The following KRT8 variants were observed in gnomAD, a reference collection of about 807,000 sequenced individuals.
KRT8 encodes keratin 8.
In KRT8, 24 loss-of-function variants were observed where a neutral mutation model predicts 43.0. That is an observed-to-expected ratio of 0.56 (90% CI 0.40 to 0.78). The LOEUF (loss-of-function observed/expected upper bound fraction) is 0.78. Ranked by LOEUF, KRT8 falls within the 30% of genes least tolerant of loss-of-function variation. The pLI is 0.00. For missense variants in KRT8, 492 were observed against 638.4 expected, an observed-to-expected ratio of 0.77 and a Z score of 2.47; for synonymous variants, 214 against 261.2, an observed-to-expected ratio of 0.82 and a Z score of 1.74.
intron 4 of KRT8, among the ~76,000 whole-genome samples, chr12:52,900,370 G>C (rs918629585): frequency 6.6e-6 from 1 of 152,154 alleles, no homozygotes; most frequent in Non-Finnish European, 1.5e-5. Context: ...CCACTTTCTC[G>C]TCTGTGAAAT....
chr12:52,922,825 A>G (rs977873042), intron 2 of KRT8, among the ~76,000 whole-genome samples: 6 of 152,208 alleles, frequency 3.9e-5, no homozygotes, highest in African/African-American at 1.4e-4. Flanking sequence ...TCTGGCTCCA[A>G]AACCCAAAGT....
At chr12:52,901,277 C>T (rs1941363260) in intron 2 of KRT8, 58 bp from the exon 3 acceptor site, 1 of 1,233,164 alleles carries the variant, frequency 8.1e-7, no homozygotes, top group African/African-American at 1.5e-5. Context: ...TGCCCTTGGT[C>T]TTTTGGGAGA....
intron 2 of KRT8, among the ~76,000 whole-genome samples, chr12:52,917,678 C>T (rs1308366997): frequency 6.9e-6 from 1 of 143,910 alleles, no homozygotes; most frequent in Non-Finnish European, 1.5e-5. Context: ...CATTGCACTC[C>T]AGCCTGGGTG....
intron 2 of KRT8, chr12:52,926,317 C>T: frequency 9.4e-7 from 1 of 1,063,886 alleles, no homozygotes; most frequent in Non-Finnish European, 1.4e-6. Flanking sequence ...TAGCCTTCCC[C>T]ACCTGGCACT....
chr12:52,917,363 T>C (rs556963523), intron 2 of KRT8, among the ~76,000 whole-genome samples: 1 of 146,386 alleles, frequency 6.8e-6, no homozygotes, highest in Admixed American at 6.9e-5. Context: ...GATCACACCA[T>C]CGCACTCCAA....
intron 2 of KRT8, chr12:52,901,555 T>G: frequency 1.8e-6 from 1 of 559,284 alleles, no homozygotes; most frequent in Non-Finnish European, 3.2e-6. Context: ...GCCAGAATGT[T>G]AAGTACAAAA....
chr12:52,897,522 C>T (rs11554491), exon 8 of KRT8: 7 of 1,598,666 alleles, frequency 4.4e-6, no homozygotes, highest in South Asian at 3.3e-5. Context: ...GCTGGTGCGG[C>T]TGAAGGAGCT....
intron 2 of KRT8, among the ~76,000 whole-genome samples, chr12:52,942,305 C>T (rs1216592716): frequency 6.6e-6 from 1 of 152,178 alleles, no homozygotes; most frequent in African/African-American, 2.4e-5. Flanking sequence ...GGGCACCCAA[C>T]TTAGGCACCC....
At chr12:52,907,981 G>A (rs1378154487), upstream of KRT8, among the ~76,000 whole-genome samples, 4 of 152,190 alleles carry the variant, frequency 2.6e-5, no homozygotes, top group African/African-American at 7.2e-5. Context: ...ACGTGTTTGC[G>A]GTGCCTGCCC....
Position 52,904,643 on chromosome 12 carries a change from A to AG in KRT8, c.324+14dup. Reference sequence around the variant, plus strand: ...GGGCTGCGGGCACAGTCAGCCACGCAGGGGGGACCCTCACCTTGTCTATGA... The same window carrying AG: ...GGGCTGCGGGCACAGTCAGCCACGCAGGGGGGGACCCTCACCTTGTCTATGA... On this transcript the variant is annotated intron_variant, in intron 1 of 7. Transcript: ENST00000692008. The AG allele has an allele frequency of 1.2e-6, 2 of 1,611,150 alleles. No homozygotes were observed.
chr12:52,934,174 A>C (rs1942128940), intron 2 of KRT8, among the ~76,000 whole-genome samples: 1 of 151,854 alleles, frequency 6.6e-6, no homozygotes, highest in Non-Finnish European at 1.5e-5. Context: ...GGTTGCAGTG[A>C]GTCGAGATTG....
chr12:52,898,682 C>A, exon 6 of KRT8: 1 of 1,614,228 alleles, frequency 6.2e-7, no homozygotes, highest in Non-Finnish European at 8.5e-7. Flanking sequence ...CACCCACCGG[C>A]TCTCCTCGCC....
upstream of KRT8, among the ~76,000 whole-genome samples, chr12:52,905,772 T>A (rs1405924094): frequency 1.3e-5 from 2 of 151,854 alleles, no homozygotes; most frequent in African/African-American, 4.8e-5. Context: ...GTGGCTGTCG[T>A]CCCTCTACAT....
At chr12:52,931,657 C>CATATATATATATATATATAT (rs34460731) in intron 2 of KRT8, among the ~76,000 whole-genome samples, 10 of 147,228 alleles carry the variant, frequency 6.8e-5, no homozygotes, top group African/African-American at 2.3e-4. Flanking sequence ...ATTGGCTCCC[C>CATATATATATATATATATAT]ATATATATAT....
intron 2 of KRT8, among the ~76,000 whole-genome samples, chr12:52,940,474 A>G (rs1942249326): frequency 6.6e-6 from 1 of 151,694 alleles, no homozygotes; most frequent in South Asian, 2.1e-4. Context: ...CTACACAAAA[A>G]AGCTACACAC....
intron 2 of KRT8, among the ~76,000 whole-genome samples, chr12:52,927,587 A>G (rs1415078040): frequency 6.6e-6 from 1 of 152,210 alleles, no homozygotes; most frequent in East Asian, 1.9e-4. Flanking sequence ...CTGCCTGCCA[A>G]CTGGGCCACT....
upstream of KRT8, among the ~76,000 whole-genome samples, chr12:52,907,834 A>G (rs535661642): frequency 6.6e-6 from 1 of 152,336 alleles, no homozygotes; most frequent in East Asian, 1.9e-4. Flanking sequence ...TCAGGGTTAA[A>G]GGCAGAAGGA....
At chr12:52,922,400 C>T (rs1180920774) in intron 2 of KRT8, among the ~76,000 whole-genome samples, 20 of 152,060 alleles carry the variant, frequency 1.3e-4, no homozygotes, top group Admixed American at 8.5e-4. Context: ...AGGCCAGGCA[C>T]GGTGGCTCAC....
chr12:52,945,142 T>C (rs1163829940), intron 2 of KRT8, among the ~76,000 whole-genome samples: 3 of 152,200 alleles, frequency 2.0e-5, no homozygotes, highest in Non-Finnish European at 4.4e-5. Flanking sequence ...CAGATTCCTT[T>C]TCCTTTGGGT....
Sources: allele counts gnomAD v4.1 joint callset (sites outside exome capture counted in the v4.1 genomes callset), GRCh38; gene constraint gnomAD v4.1.1; transcripts MANE v1.5; gene names NCBI Gene and HGNC (gene_info 2026-07-23, HGNC 2026-07-21).